Variants in NTNG1 observed in about 807,000 individuals in gnomAD.
The protein encoded by NTNG1 is netrin G1.
NTNG1 carries 16 observed loss-of-function variants against 54.0 expected under a neutral mutation model. The ratio of observed to expected loss-of-function variants is 0.30; its 90% CI spans 0.20 to 0.45. The LOEUF (loss-of-function observed/expected upper bound fraction) is 0.45. NTNG1 is among the 20% of genes least tolerant of loss of function. The pLI is 1.00. For synonymous variants in NTNG1, 255 were observed against 263.1 expected (o/e 0.97, Z 0.30); for missense variants, 530 against 678.7 (o/e 0.78, Z 2.43).
At chr1:107,146,399 A>T (rs1654119785) in intron 1 of NTNG1, among the ~76,000 whole-genome samples, 1 of 152,104 alleles carries the variant, frequency 6.6e-6, no homozygotes, top group Admixed American at 6.6e-5. Context: ...GTATCATTTT[A>T]ACACCTCAGA....
chr1:107,442,658 T>C (rs1290426045), intron 7 of NTNG1, among the ~76,000 whole-genome samples: 1 of 152,064 alleles, frequency 6.6e-6, no homozygotes, highest in African/African-American at 2.4e-5. Flanking sequence ...ACTAACAATT[T>C]CAGGCTGAAC....
At chr1:107,386,164 T>C (rs1557954686) in intron 3 of NTNG1, among the ~76,000 whole-genome samples, 1 of 89,930 alleles carries the variant, frequency 1.1e-5, no homozygotes, top group Non-Finnish European at 2.5e-5. Flanking sequence ...TATATATATA[T>C]ATTTTTTTTT....
At chr1:107,236,893 T>C (rs1008665819) in intron 2 of NTNG1, among the ~76,000 whole-genome samples, 1 of 152,188 alleles carries the variant, frequency 6.6e-6, no homozygotes, top group African/African-American at 2.4e-5. Flanking sequence ...AATTGCCCAG[T>C]CTCAGGTATG....
intron 3 of NTNG1, among the ~76,000 whole-genome samples, chr1:107,333,543 A>T (rs1247381128): frequency 6.6e-6 from 1 of 151,996 alleles, no homozygotes; most frequent in African/African-American, 2.4e-5. Flanking sequence ...AAAAACATAT[A>T]TTAGTACCCA....
chr1:107,446,183 C>T (rs763297136), intron 7 of NTNG1, among the ~76,000 whole-genome samples: 36 of 152,144 alleles, frequency 2.4e-4, no homozygotes, highest in African/African-American at 8.4e-4. Context: ...ATTTACAAGG[C>T]CCCAACTGTT....
intron 2 of NTNG1, among the ~76,000 whole-genome samples, chr1:107,169,770 G>A (rs1290452892): frequency 1.3e-5 from 2 of 152,132 alleles, no homozygotes; most frequent in Non-Finnish European, 2.9e-5. Context: ...TTAAGACATC[G>A]AATCTTCACT....
At chr1:107,419,489 C>T (rs915001985) in intron 5 of NTNG1, among the ~76,000 whole-genome samples, 5 of 151,934 alleles carry the variant, frequency 3.3e-5, no homozygotes, top group Admixed American at 1.3e-4. Flanking sequence ...CTTTTAAAGG[C>T]TGAGCAATAA....
intron 2 of NTNG1, among the ~76,000 whole-genome samples, chr1:107,246,033 TTTTA>T (rs770994632): frequency 6.6e-6 from 1 of 151,680 alleles, no homozygotes; most frequent in Non-Finnish European, 1.5e-5. Context: ...CTATAGGAGA[TTTTA>T]TTTAATTATT....
intron 3 of NTNG1, among the ~76,000 whole-genome samples, chr1:107,391,683 T>C (rs563917061): frequency 1.3e-5 from 2 of 152,162 alleles, no homozygotes; most frequent in South Asian, 2.1e-4. Context: ...ACATGTCACA[T>C]GGCAAGAGCA....
At chr1:107,358,538 G>A (rs1326795964) in intron 3 of NTNG1, among the ~76,000 whole-genome samples, 1 of 151,566 alleles carries the variant, frequency 6.6e-6, no homozygotes, top group Non-Finnish European at 1.5e-5. Context: ...CTGAAAATCT[G>A]GTCATCTTTT....
intron 2 of NTNG1, among the ~76,000 whole-genome samples, chr1:107,314,227 A>G (rs1326398897): frequency 6.6e-6 from 1 of 151,488 alleles, no homozygotes; most frequent in Non-Finnish European, 1.5e-5. Flanking sequence ...ACATAGTGAA[A>G]CCCCGTCTCT....
chr1:107,310,070 A>G (rs1397433881), intron 2 of NTNG1, among the ~76,000 whole-genome samples: 5 of 152,128 alleles, frequency 3.3e-5, no homozygotes, highest in Non-Finnish European at 5.9e-5. Context: ...ATTCCTAACC[A>G]TAAGGGTGTT....
chr1:107,312,211 G>T (rs1053193587), intron 2 of NTNG1, among the ~76,000 whole-genome samples: 1 of 152,114 alleles, frequency 6.6e-6, no homozygotes, highest in African/African-American at 2.4e-5. Context: ...TGAAGCTGCG[G>T]TGAAAAATTT....
chr1:107,428,566 C>T (rs548827392), intron 5 of NTNG1, among the ~76,000 whole-genome samples: 2 of 152,196 alleles, frequency 1.3e-5, no homozygotes, highest in East Asian at 1.9e-4. Context: ...CAATAAGAGA[C>T]CTCTTCCAGA....
At chr1:107,282,974 T>G (rs770630666) in intron 2 of NTNG1, among the ~76,000 whole-genome samples, 1 of 152,088 alleles carries the variant, frequency 6.6e-6, no homozygotes, top group Non-Finnish European at 1.5e-5. Flanking sequence ...GTGAGGAAGC[T>G]CTCTGACATC....
intron 2 of NTNG1, among the ~76,000 whole-genome samples, chr1:107,233,479 A>T (rs1661200649): frequency 6.6e-6 from 1 of 152,236 alleles, no homozygotes; most frequent in Admixed American, 6.5e-5. Flanking sequence ...TTCAAAGCCC[A>T]TCCTTAAATG....
At chr1:107,222,470 G>A (rs1259616176) in intron 2 of NTNG1, among the ~76,000 whole-genome samples, 1 of 152,166 alleles carries the variant, frequency 6.6e-6, no homozygotes, top group Non-Finnish European at 1.5e-5. Flanking sequence ...TGTGAGGAAT[G>A]AAATGTGGTA....
chr1:107,299,623 C>T (rs1325647656), intron 2 of NTNG1, among the ~76,000 whole-genome samples: 1 of 152,136 alleles, frequency 6.6e-6, no homozygotes. Context: ...TCCAGTATCT[C>T]ACAGCTAGTA....
intron 2 of NTNG1, among the ~76,000 whole-genome samples, chr1:107,158,353 G>A (rs1276324565): frequency 3.9e-5 from 6 of 152,158 alleles, no homozygotes. Context: ...GCTAGGAATA[G>A]ATAGATTCAT....
Sources: allele counts gnomAD v4.1 joint callset (sites outside exome capture counted in the v4.1 genomes callset), GRCh38; gene constraint gnomAD v4.1.1; transcripts MANE v1.5; gene names NCBI Gene and HGNC (gene_info 2026-07-23, HGNC 2026-07-21).